Variants in SGCZ observed in about 807,000 individuals in gnomAD.
SGCZ encodes zeta-sarcoglycan.
A neutral mutation model predicts 41.3 loss-of-function variants in SGCZ; 40 were observed. The ratio of observed to expected loss-of-function variants is 0.97; its 90% CI spans 0.75 to 1.26. The LOEUF is 1.26. Ranked by LOEUF, SGCZ falls within the 50% of genes most tolerant of loss-of-function variation. The pLI, the probability that SGCZ is intolerant of heterozygous loss-of-function variation, is 0.00. For missense variants in SGCZ, 552 were observed against 369.8 expected (o/e 1.49, Z -4.04); for synonymous variants, 206 against 137.5 (o/e 1.50, Z -3.49).
intron 5 of SGCZ, among the ~76,000 whole-genome samples, chr8:14,147,272 C>G (rs974537667): frequency 1.1e-4 from 17 of 152,060 alleles, no homozygotes; most frequent in African/African-American, 4.1e-4. Context: ...CAGTGACTGG[C>G]TGAATAAATG....
chr8:14,898,489 G>C (rs952130482), intron 1 of SGCZ, among the ~76,000 whole-genome samples: 2 of 152,174 alleles, frequency 1.3e-5, no homozygotes, highest in Non-Finnish European at 2.9e-5. Context: ...ATTGGGCCAG[G>C]GACTGATATG....
intron 1 of SGCZ, among the ~76,000 whole-genome samples, chr8:14,776,638 C>T (rs954124406): frequency 4.0e-5 from 6 of 149,284 alleles, no homozygotes; most frequent in East Asian, 4.0e-4. Flanking sequence ...GGACTACAGG[C>T]GCCTACCACC....
intron 4 of SGCZ, among the ~76,000 whole-genome samples, chr8:14,235,318 C>T (rs1211713729): frequency 6.6e-6 from 1 of 152,066 alleles, no homozygotes; most frequent in Non-Finnish European, 1.5e-5. Flanking sequence ...ACTCAAAGGA[C>T]CAGGATATTA....
At chr8:14,623,192 A>G (rs189855332) in intron 1 of SGCZ, among the ~76,000 whole-genome samples, 1 of 152,344 alleles carries the variant, frequency 6.6e-6, no homozygotes, top group South Asian at 2.1e-4. Flanking sequence ...GAAATAACCA[A>G]TCAAGATGAA....
chr8:14,820,278 C>T (rs993297828), intron 1 of SGCZ, among the ~76,000 whole-genome samples: 10 of 151,862 alleles, frequency 6.6e-5, no homozygotes, highest in African/African-American at 2.4e-4. Flanking sequence ...CATCATTATA[C>T]AATGAAAATG....
At chr8:14,741,424 T>C (rs1048387051) in intron 1 of SGCZ, among the ~76,000 whole-genome samples, 2 of 152,104 alleles carry the variant, frequency 1.3e-5, no homozygotes, top group Admixed American at 1.3e-4. Context: ...TTCTCTCTTC[T>C]AAATAGATGA....
intron 3 of SGCZ, among the ~76,000 whole-genome samples, chr8:14,290,954 G>A (rs1352624201): frequency 6.6e-6 from 1 of 152,068 alleles, no homozygotes. Context: ...ATCCATCAGT[G>A]GATGAATGGA....
At chr8:14,849,720 T>A (rs1188258646) in intron 1 of SGCZ, among the ~76,000 whole-genome samples, 2 of 152,096 alleles carry the variant, frequency 1.3e-5, no homozygotes, top group Non-Finnish European at 2.9e-5. Flanking sequence ...TATCTTACAG[T>A]GGTGTCTATT....
chr8:14,187,701 G>A (rs1030628811), intron 4 of SGCZ, among the ~76,000 whole-genome samples: 6 of 151,986 alleles, frequency 3.9e-5, no homozygotes, highest in African/African-American at 1.4e-4. Flanking sequence ...GACAACTGCA[G>A]GACACCATTA....
intron 3 of SGCZ, among the ~76,000 whole-genome samples, chr8:14,261,628 TA>T: frequency 6.6e-6 from 1 of 152,326 alleles, no homozygotes; most frequent in Admixed American, 6.5e-5. Flanking sequence ...TAGTTATTCT[TA>T]AATTTACTTG....
chr8:14,795,680 C>T (rs1283642439), intron 1 of SGCZ, among the ~76,000 whole-genome samples: 4 of 151,992 alleles, frequency 2.6e-5, no homozygotes, highest in Non-Finnish European at 2.9e-5. Flanking sequence ...TTTTTTTAAA[C>T]TTTCATTTCA....
intron 1 of SGCZ, among the ~76,000 whole-genome samples, chr8:15,047,975 C>T (rs1377720314): frequency 1.3e-5 from 2 of 151,896 alleles, no homozygotes; most frequent in African/African-American, 4.8e-5. Flanking sequence ...CCAGCAACCC[C>T]ACTACTGGAT....
intron 2 of SGCZ, among the ~76,000 whole-genome samples, chr8:14,533,728 C>T (rs897628444): frequency 6.6e-6 from 1 of 151,878 alleles, no homozygotes; most frequent in Non-Finnish European, 1.5e-5. Flanking sequence ...TAATTCATGG[C>T]AGATGATAAG....
At chr8:14,814,946 CATTAAAAAA>C (rs569869723) in intron 1 of SGCZ, among the ~76,000 whole-genome samples, 43 of 152,154 alleles carry the variant, frequency 2.8e-4, no homozygotes, top group African/African-American at 1.0e-3. Flanking sequence ...TGTAATAGGA[CATTAAAAAA>C]AGAAAACTAC....
chr8:14,161,920 G>T (rs149061897), intron 5 of SGCZ, among the ~76,000 whole-genome samples: 2 of 152,180 alleles, frequency 1.3e-5, no homozygotes, highest in Non-Finnish European at 2.9e-5. Context: ...ACACACATGG[G>T]ATGGGGAAGG....
At chr8:14,310,688 G>A (rs1820529) in intron 3 of SGCZ, among the ~76,000 whole-genome samples, 137,931 of 152,102 alleles carry the variant, frequency 0.91, 62,753 homozygotes, top group Middle Eastern at 0.95. Flanking sequence ...TGTCTTTTAG[G>A]CAACTAGATT....
At chr8:15,214,316 A>C (rs1290565882) in intron 1 of SGCZ, among the ~76,000 whole-genome samples, 1 of 152,148 alleles carries the variant, frequency 6.6e-6, no homozygotes, top group African/African-American at 2.4e-5. Flanking sequence ...CAGCCTGAAA[A>C]GCATACAAAT....
At chr8:14,772,126 T>C (rs1316238268) in intron 1 of SGCZ, among the ~76,000 whole-genome samples, 2 of 152,180 alleles carry the variant, frequency 1.3e-5, no homozygotes, top group African/African-American at 4.8e-5. Context: ...TTCAACACTT[T>C]AAATAAAATA....
intron 5 of SGCZ, among the ~76,000 whole-genome samples, chr8:14,161,973 G>C (rs1390774631): frequency 1.3e-5 from 2 of 152,076 alleles, no homozygotes; most frequent in Non-Finnish European, 2.9e-5. Flanking sequence ...GAAAGATAAA[G>C]GGAGAGAGAA....
Sources: allele counts gnomAD v4.1 joint callset (sites outside exome capture counted in the v4.1 genomes callset), GRCh38; gene constraint gnomAD v4.1.1; transcripts MANE v1.5; gene names NCBI Gene and HGNC (gene_info 2026-07-23, HGNC 2026-07-21).